Variants in HYAL4 observed in about 807,000 individuals in gnomAD.
HYAL4 encodes hyaluronidase-4.
A neutral mutation model predicts 35.2 loss-of-function variants in HYAL4; 37 were observed. The observed-to-expected ratio is 1.05, with a 90% CI of 0.81 to 1.38. HYAL4 has a LOEUF of 1.38. Among genes scored for constraint, HYAL4 ranks in the 40% most tolerant of loss-of-function variants. The pLI is 0.00. For synonymous variants in HYAL4, 198 were observed against 203.2 expected (o/e 0.97, Z 0.22); for missense variants, 572 against 572.4 (o/e 1.00, Z 0.01).
At chr7:123,859,186 C>T (rs1806527567) in intron 2 of HYAL4, among the ~76,000 whole-genome samples, 1 of 152,102 alleles carries the variant, frequency 6.6e-6, no homozygotes. Flanking sequence ...CTGAATAAAT[C>T]ACCAAAACTA....
intron 3 of HYAL4, among the ~76,000 whole-genome samples, chr7:123,869,559 G>C (rs1313016954): frequency 6.6e-6 from 1 of 152,174 alleles, no homozygotes; most frequent in African/African-American, 2.4e-5. Flanking sequence ...TCGGCAGTGA[G>C]CAGGTTAGAC....
chr7:123,807,683 C>T, the HYAL4 span, among the ~76,000 whole-genome samples: 2 of 151,300 alleles, frequency 1.3e-5, no homozygotes, highest in South Asian at 4.2e-4. Flanking sequence ...TTAGGTGATC[C>T]ACCTGCCTTG....
the HYAL4 span, among the ~76,000 whole-genome samples, chr7:123,819,046 T>C: frequency 1.3e-5 from 2 of 152,302 alleles, no homozygotes; most frequent in African/African-American, 4.8e-5. Flanking sequence ...TCCTCCTATC[T>C]AATTGTAATT....
At chr7:123,830,768 A>T (rs1281781782) in intron 1 of HYAL4, among the ~76,000 whole-genome samples, 1 of 152,074 alleles carries the variant, frequency 6.6e-6, no homozygotes, top group Non-Finnish European at 1.5e-5. Flanking sequence ...TTTATCTTCT[A>T]ATTTAGACTC....
upstream of HYAL4, among the ~76,000 whole-genome samples, chr7:123,826,748 T>C (rs1301359843): frequency 6.6e-6 from 1 of 152,112 alleles, no homozygotes; most frequent in Admixed American, 6.6e-5. Context: ...TTAGAACAGA[T>C]TGTGGAGACT....
chr7:123,852,681 G>A (rs1273475438), intron 2 of HYAL4, among the ~76,000 whole-genome samples: 1 of 152,122 alleles, frequency 6.6e-6, no homozygotes, highest in East Asian at 1.9e-4. Flanking sequence ...GATGCCTCCA[G>A]CTTTGTTCTT....
the HYAL4 span, among the ~76,000 whole-genome samples, chr7:123,812,776 C>T: frequency 6.6e-6 from 1 of 151,852 alleles, no homozygotes; most frequent in Non-Finnish European, 1.5e-5. Flanking sequence ...CTTTCATTTT[C>T]CCTGAACAAC....
chr7:123,868,648 T>A lies in HYAL4; in HGVS notation c.375T>A (p.Ala125=). 6.2e-7 allele frequency: 1 copy of A among 1,613,882 alleles called. No homozygotes were observed. Among genetic ancestry groups the A allele is most frequent in the Non-Finnish European group, 8.5e-7 (1 of 1,179,962 alleles). Residue 125 remains alanine, a synonymous_variant, in exon 3 of 5, where the codon GCT becomes GCA. Coordinates refer to ENST00000223026, the MANE Select transcript of HYAL4 (RefSeq NM_012269.3). ...NISLQVHLEK[A]DQDINYYIPA... Reference sequence around the variant, plus strand: ...GTTTACAAGTACATCTGGAAAAAGCTGACCAAGATATTAATTATTACATCC... The same window carrying A: ...GTTTACAAGTACATCTGGAAAAAGCAGACCAAGATATTAATTATTACATCC...
At chr7:123,807,017 G>A in the HYAL4 span, among the ~76,000 whole-genome samples, 7 of 152,226 alleles carry the variant, frequency 4.6e-5, no homozygotes, top group East Asian at 1.4e-3. Context: ...TGGACCTTTT[G>A]GGGGAAAATT....
the HYAL4 span, among the ~76,000 whole-genome samples, chr7:123,783,124 A>C: frequency 6.6e-6 from 1 of 152,140 alleles, no homozygotes; most frequent in African/African-American, 2.4e-5. Flanking sequence ...CCTTTTATTC[A>C]TGATCAGGAA....
chr7:123,857,573 C>T (rs1806470292), intron 2 of HYAL4, among the ~76,000 whole-genome samples: 1 of 152,062 alleles, frequency 6.6e-6, no homozygotes, highest in African/African-American at 2.4e-5. Flanking sequence ...GCAGAAATCA[C>T]CCTCATTCTG....
Position 123,868,246 on chromosome 7 carries a change from G to T in HYAL4, c.-28G>T. 1 of 1,342,304 alleles carries T rather than the reference G, an allele frequency of 7.4e-7. No individual in the cohort carries two copies. The highest frequency in any genetic ancestry group is 1.0e-6 in the Non-Finnish European group (1 of 988,446). 83.1% of individuals were successfully genotyped at this position (1,342,304 alleles called of 1,614,324 possible). A position where few individuals can be genotyped will look rare whatever the true frequency, so the allele number is the denominator to read the frequency against. ...AGGTCTTCTAGAGTGCACTAAAGCA[G>T]AAGATAACGTAACATTTTTATCTTA... On this transcript the variant is annotated 5_prime_UTR_variant, in exon 3 of 5. Transcript: ENST00000223026.
chr7:123,819,989 C>G, the HYAL4 span, among the ~76,000 whole-genome samples: 1 of 150,754 alleles, frequency 6.6e-6, no homozygotes, highest in African/African-American at 2.4e-5. Flanking sequence ...CTCCCAGGTA[C>G]AAGTGATTCT....
intron 2 of HYAL4, among the ~76,000 whole-genome samples, chr7:123,856,960 C>A (rs1370977335): frequency 6.6e-6 from 1 of 152,160 alleles, no homozygotes; most frequent in Non-Finnish European, 1.5e-5. Context: ...CCATTTCGAA[C>A]TTCCCAGTGG....
chr7:123,783,135 A>G, the HYAL4 span, among the ~76,000 whole-genome samples: 1 of 152,296 alleles, frequency 6.6e-6, no homozygotes, highest in South Asian at 2.1e-4. Flanking sequence ...TGATCAGGAA[A>G]TCTGAGTTTC....
chr7:123,827,331 C>G (rs775305598), upstream of HYAL4, among the ~76,000 whole-genome samples: 10 of 152,086 alleles, frequency 6.6e-5, no homozygotes, highest in Non-Finnish European at 1.0e-4. Context: ...AGGGCGGCTG[C>G]AACAGAACAG....
chr7:123,871,297 T>G (rs1761962103), intron 3 of HYAL4, among the ~76,000 whole-genome samples: 1 of 151,852 alleles, frequency 6.6e-6, no homozygotes, highest in African/African-American at 2.4e-5. Context: ...GTTCAAGTGA[T>G]TCTCCTGCCT....
At position 123,869,247 on chromosome 7, in the gene HYAL4, A is replaced by G. The variant is rs775386898; in HGVS notation, c.954+20A>G. ...TCTAAGGTAAGAAGCTTCTTGTCCA[A>G]TGGTGGGGGATTTCCTCCTTATCTC... On this transcript the variant is annotated intron_variant, in intron 3 of 4. Transcript: ENST00000223026. The G allele has an allele frequency of 4.8e-6, 7 of 1,462,444 alleles. No homozygotes were observed. The highest frequency in any genetic ancestry group is 1.4e-5 in the African/African-American group (1 of 70,730). The allele number at this position is 1,462,444 out of a possible 1,614,324, so 90.6% of individuals were successfully genotyped here. A position where few individuals can be genotyped will look rare whatever the true frequency, so the allele number is the denominator to read the frequency against.
At chr7:123,867,067 G>C (rs868774384) in intron 2 of HYAL4, among the ~76,000 whole-genome samples, 4 of 152,132 alleles carry the variant, frequency 2.6e-5, no homozygotes, top group Admixed American at 6.5e-5. Flanking sequence ...TTATAGGCGT[G>C]AGCCACCCTG....
Sources: gnomAD v4.1 joint callset for allele counts (sites outside exome capture counted in the v4.1 genomes callset) on GRCh38, gnomAD v4.1.1 for gene constraint, MANE v1.5 for transcripts, NCBI Gene and HGNC (gene_info 2026-07-23, HGNC 2026-07-21) for gene names.